GPATCH8: variants seen among roughly 807,000 people sequenced by gnomAD.
GPATCH8 encodes G patch domain-containing protein 8.
A neutral mutation model predicts 118.3 loss-of-function variants in GPATCH8; 18 were observed. That is an observed-to-expected ratio of 0.15 (90% CI 0.11 to 0.23). The LOEUF is 0.23. GPATCH8 is among the 10% of genes least tolerant of loss of function. The pLI is 1.00. For synonymous variants in GPATCH8, 659 were observed against 684.7 expected (o/e 0.96, Z 0.59); for missense variants, 1,631 against 1,873.8 (o/e 0.87, Z 2.39).
chr17:44,488,064 A>G (rs1327422319), intron 1 of GPATCH8, among the ~76,000 whole-genome samples: 1 of 148,196 alleles, frequency 6.7e-6, no homozygotes, highest in Admixed American at 6.9e-5. Flanking sequence ...CTGGGACTAC[A>G]GGAGTGCGCC....
At chr17:44,484,533 A>C (rs1255395407) in intron 1 of GPATCH8, among the ~76,000 whole-genome samples, 1 of 151,918 alleles carries the variant, frequency 6.6e-6, no homozygotes, top group Non-Finnish European at 1.5e-5. Context: ...GGTTCACACC[A>C]GGTGGGTAGG....
chr17:44,479,426 T>C (rs746958090), intron 1 of GPATCH8, among the ~76,000 whole-genome samples: 2 of 152,188 alleles, frequency 1.3e-5, no homozygotes, highest in African/African-American at 2.4e-5. Flanking sequence ...ATTAATAATA[T>C]AGACAGTTCA....
At chr17:44,492,466 G>A (rs1969327014) in intron 1 of GPATCH8, among the ~76,000 whole-genome samples, 1 of 151,626 alleles carries the variant, frequency 6.6e-6, no homozygotes, top group Non-Finnish European at 1.5e-5. Context: ...CAGCTACTCG[G>A]AAGGCTGAGG....
rs868684386 is a variant in GPATCH8, at chr17:44,400,077, T to C, written c.2000A>G (p.Glu667Gly). 1.9e-6 allele frequency: 3 copies of C among 1,613,972 alleles called. No individual in the cohort carries two copies. Among genetic ancestry groups the C allele is most frequent in the Non-Finnish European group, 1.7e-6 (2 of 1,180,006 alleles). The part of the protein sequence containing the change: ...DTGRSLPSKK[E>G]RSGKSHRHKK... ...GTGCCGGTGGGACTTCCCAGATCGTTCTTTCTTGCTGGGAAGGCTTCTCCC... is the reference window on the plus strand; with the variant it reads ...GTGCCGGTGGGACTTCCCAGATCGTCCTTTCTTGCTGGGAAGGCTTCTCCC... The change falls in exon 8 of 8, where the codon GAA (glutamate) becomes GGA (glycine). Residue 667 changes from glutamate to glycine, a missense_variant. Around this residue, in one of 8 missense-constraint regions of GPATCH8, gnomAD observed 922 missense variants for 879.7 expected, o/e 1.05. Transcript: ENST00000591680.
chr17:44,480,313 G>A (rs967947184), intron 1 of GPATCH8, among the ~76,000 whole-genome samples: 19 of 152,276 alleles, frequency 1.2e-4, no homozygotes, highest in African/African-American at 4.3e-4. Flanking sequence ...AGGGCGCGGT[G>A]GCTCATGCCT....
At chr17:44,452,947 T>G (rs1280432620) in intron 3 of GPATCH8, among the ~76,000 whole-genome samples, 1 of 151,970 alleles carries the variant, frequency 6.6e-6, no homozygotes, top group Non-Finnish European at 1.5e-5. Flanking sequence ...CCCACCTCAT[T>G]CTCCCAGGTG....
intron 1 of GPATCH8, among the ~76,000 whole-genome samples, chr17:44,475,625 C>T (rs551541331): frequency 2.0e-5 from 3 of 151,812 alleles, no homozygotes; most frequent in South Asian, 4.2e-4. Flanking sequence ...ACCCGGGAGG[C>T]GGAGCTTGCA....
chr17:44,499,273 C>T (rs554589891), intron 1 of GPATCH8, among the ~76,000 whole-genome samples: 1 of 152,212 alleles, frequency 6.6e-6, no homozygotes, highest in East Asian at 1.9e-4. Context: ...TTGAGACCAG[C>T]CTGACCAACA....
intron 7 of GPATCH8, among the ~76,000 whole-genome samples, chr17:44,403,780 GC>G (rs1444229987): frequency 6.7e-6 from 1 of 150,190 alleles, no homozygotes; most frequent in African/African-American, 2.5e-5. Context: ...TGCAACCTCT[GC>G]CTCCTGGGTT....
intron 1 of GPATCH8, among the ~76,000 whole-genome samples, chr17:44,489,349 T>C (rs1254597713): frequency 6.6e-6 from 1 of 151,540 alleles, no homozygotes; most frequent in African/African-American, 2.4e-5. Context: ...CCCTCTTTTT[T>C]GTTTTTTTTT....
intron 6 of GPATCH8, among the ~76,000 whole-genome samples, chr17:44,410,851 G>A (rs1239498329): frequency 6.6e-6 from 1 of 152,180 alleles, no homozygotes; most frequent in Non-Finnish European, 1.5e-5. Flanking sequence ...CCTAACAAAT[G>A]ATCCAGTACT....
At chr17:44,499,442 G>T (rs1163534533) in intron 1 of GPATCH8, among the ~76,000 whole-genome samples, 1 of 152,124 alleles carries the variant, frequency 6.6e-6, no homozygotes, top group South Asian at 2.1e-4. Flanking sequence ...TGCACTCCAG[G>T]TGGGCAACAA....
chr17:44,398,568 T>A lies in GPATCH8; in HGVS notation c.3509A>T (p.Glu1170Val), dbSNP rs747984733. 7.7e-6 allele frequency: 12 copies of A among 1,568,418 alleles called. No individual in the cohort carries two copies. The highest frequency in any genetic ancestry group is 1.0e-5 in the Non-Finnish European group (12 of 1,161,994). The change falls in exon 8 of 8, where the codon GAA becomes GTA. Residue 1170 changes from glutamate (E) to valine (V), a missense_variant. Transcript: ENST00000591680. The part of the protein sequence containing the change: ...KCEESGLERG[E>V]EQEQSETEEG... ...TTCTGTCTCTGACTGTTCTTGCTCT[T>A]CCCCCCTTTCCAAGCCAGACTCTTC...
At chr17:44,416,070 T>C (rs2049670019) in intron 6 of GPATCH8, among the ~76,000 whole-genome samples, 1 of 152,236 alleles carries the variant, frequency 6.6e-6, no homozygotes, top group Non-Finnish European at 1.5e-5. Context: ...CGGTACTATA[T>C]TGGCTCACTG....
At chr17:44,453,898 T>C (rs1179204862) in intron 3 of GPATCH8, among the ~76,000 whole-genome samples, 4 of 151,052 alleles carry the variant, frequency 2.6e-5, no homozygotes, top group African/African-American at 9.7e-5. Context: ...AACTGCTGGG[T>C]TGCCCCCTCT....
chr17:44,500,326 G>A (rs905542100), intron 1 of GPATCH8, among the ~76,000 whole-genome samples: 7 of 152,114 alleles, frequency 4.6e-5, no homozygotes, highest in Admixed American at 3.3e-4. Context: ...TACCTACCTC[G>A]TAGGGTTATA....
At chr17:44,464,327 T>C (rs897054408) in intron 3 of GPATCH8, 145 bp downstream of exon 3, 120 of 739,278 alleles carry the variant, frequency 1.6e-4, no homozygotes, top group Non-Finnish European at 2.7e-4. Context: ...AATACAGTTA[T>C]AGGACAAACA....
At chr17:44,469,407 G>A (rs1338434140) in intron 2 of GPATCH8, among the ~76,000 whole-genome samples, 2 of 152,082 alleles carry the variant, frequency 1.3e-5, no homozygotes, top group Non-Finnish European at 2.9e-5. Context: ...CATGTATGAC[G>A]GGAGCCTGCC....
chr17:44,497,855 G>A (rs1161243261), intron 1 of GPATCH8, among the ~76,000 whole-genome samples: 4 of 151,908 alleles, frequency 2.6e-5, no homozygotes, highest in African/African-American at 4.8e-5. Context: ...CGGGAGGATT[G>A]CTTGAGCCCA....
Sources: allele counts gnomAD v4.1 joint callset (sites outside exome capture counted in the v4.1 genomes callset), GRCh38; gene constraint gnomAD v4.1.1; regional missense constraint gnomAD v4.1.1; transcripts MANE v1.5; gene names NCBI Gene and HGNC (gene_info 2026-07-23, HGNC 2026-07-21).